GPC6: variants seen among roughly 807,000 people sequenced by gnomAD.
The protein encoded by GPC6 is glypican-6.
GPC6 carries 14 observed loss-of-function variants against 55.2 expected under a neutral mutation model. The ratio of observed to expected loss-of-function variants is 0.25; its 90% CI spans 0.17 to 0.40. The LOEUF (loss-of-function observed/expected upper bound fraction) is 0.40. Among genes scored for constraint, GPC6 ranks in the 10% least tolerant of loss-of-function variants. The pLI is 1.00. For missense variants in GPC6, 641 were observed against 708.5 expected (o/e 0.90, Z 1.08); for synonymous variants, 278 against 259.6 (o/e 1.07, Z -0.68).
At chr13:94,026,559 A>G (rs1206283934) in intron 3 of GPC6, among the ~76,000 whole-genome samples, 1 of 152,114 alleles carries the variant, frequency 6.6e-6, no homozygotes, top group Admixed American at 6.6e-5. Flanking sequence ...GAATATGGCA[A>G]CAATTTTTAC....
chr13:93,453,787 T>C (rs1360873433), intron 1 of GPC6, among the ~76,000 whole-genome samples: 2 of 151,908 alleles, frequency 1.3e-5, no homozygotes, highest in Non-Finnish European at 2.9e-5. Context: ...TCGCGGTGAT[T>C]GTTACAGCTC....
intron 1 of GPC6, among the ~76,000 whole-genome samples, chr13:93,530,093 G>A (rs1389559492): frequency 1.3e-5 from 2 of 152,154 alleles, no homozygotes; most frequent in East Asian, 3.9e-4. Flanking sequence ...TAATAGCAGT[G>A]GTATGAGCAG....
chr13:93,509,502 C>T (rs1382238183), intron 1 of GPC6, among the ~76,000 whole-genome samples: 2 of 152,276 alleles, frequency 1.3e-5, no homozygotes, highest in Non-Finnish European at 2.9e-5. Flanking sequence ...CTTGTGAAAT[C>T]TTAGAACAAT....
chr13:94,137,806 A>G (rs932750652), intron 4 of GPC6, among the ~76,000 whole-genome samples: 2 of 152,176 alleles, frequency 1.3e-5, no homozygotes, highest in East Asian at 1.9e-4. Flanking sequence ...CTAAAACAGT[A>G]GTGCTAGGGG....
At chr13:93,928,126 G>A (rs1877957348) in intron 3 of GPC6, among the ~76,000 whole-genome samples, 1 of 152,130 alleles carries the variant, frequency 6.6e-6, no homozygotes, top group Admixed American at 6.5e-5. Flanking sequence ...TCCAGTGGTG[G>A]CCAGTTCAAT....
At chr13:94,262,450 A>T (rs1891681752) in intron 4 of GPC6, among the ~76,000 whole-genome samples, 3 of 152,260 alleles carry the variant, frequency 2.0e-5, no homozygotes, top group Middle Eastern at 3.4e-3. Flanking sequence ...AGGTAAGTGA[A>T]TCACCTGAGG....
intron 4 of GPC6, among the ~76,000 whole-genome samples, chr13:94,265,745 GC>G (rs1891781798): frequency 6.6e-6 from 1 of 152,114 alleles, no homozygotes; most frequent in Non-Finnish European, 1.5e-5. Context: ...ATAGTATGGG[GC>G]CAAATTACAA....
At chr13:93,531,775 C>A (rs1037162579) in intron 1 of GPC6, among the ~76,000 whole-genome samples, 1 of 152,152 alleles carries the variant, frequency 6.6e-6, no homozygotes, top group African/African-American at 2.4e-5. Context: ...AAACATAATA[C>A]ATATACGTTG....
chr13:93,223,294 G>T (rs1011951696), upstream of GPC6, among the ~76,000 whole-genome samples: 1 of 152,158 alleles, frequency 6.6e-6, no homozygotes, highest in African/African-American at 2.4e-5. Flanking sequence ...AGTCTCTGAG[G>T]TTCCATTCAT....
intron 2 of GPC6, among the ~76,000 whole-genome samples, chr13:93,741,793 T>C (rs1884211863): frequency 6.6e-6 from 1 of 152,202 alleles, no homozygotes; most frequent in African/African-American, 2.4e-5. Flanking sequence ...GACCTACTTG[T>C]TGAACTTTCC....
chr13:93,672,311 T>C (rs1881394137), intron 2 of GPC6, among the ~76,000 whole-genome samples: 1 of 151,866 alleles, frequency 6.6e-6, no homozygotes, highest in African/African-American at 2.4e-5. Flanking sequence ...TGGATATAAC[T>C]ATTGAGTTTG....
chr13:94,043,434 A>G (rs1420845584), intron 4 of GPC6, among the ~76,000 whole-genome samples: 1 of 151,922 alleles, frequency 6.6e-6, no homozygotes, highest in Non-Finnish European at 1.5e-5. Context: ...AAATTTACAC[A>G]TACCTATCAT....
intron 3 of GPC6, among the ~76,000 whole-genome samples, chr13:93,921,471 G>A (rs1450259960): frequency 6.6e-6 from 1 of 152,112 alleles, no homozygotes; most frequent in African/African-American, 2.4e-5. Context: ...TTATTGCCAG[G>A]TGGAGGTGGC....
intron 1 of GPC6, among the ~76,000 whole-genome samples, chr13:93,387,245 C>T (rs1030531152): frequency 1.3e-5 from 2 of 151,658 alleles, no homozygotes; most frequent in Non-Finnish European, 2.9e-5. Flanking sequence ...GCCATGGTGG[C>T]TTGCTGCAGC....
At chr13:93,258,010 G>C (rs72635662) in intron 1 of GPC6, among the ~76,000 whole-genome samples, 1 of 152,272 alleles carries the variant, frequency 6.6e-6, no homozygotes, top group Non-Finnish European at 1.5e-5. Context: ...TTATTAGTTT[G>C]ATAGACATTT....
chr13:93,365,874 A>G (rs1344166944), intron 1 of GPC6, among the ~76,000 whole-genome samples: 1 of 152,082 alleles, frequency 6.6e-6, no homozygotes, highest in Non-Finnish European at 1.5e-5. Context: ...AGTTCCAGGG[A>G]AAAAAGAGGT....
At chr13:94,355,570 G>A (rs1878755964) in intron 6 of GPC6, among the ~76,000 whole-genome samples, 1 of 152,100 alleles carries the variant, frequency 6.6e-6, no homozygotes, top group African/African-American at 2.4e-5. Context: ...AAATGAATGA[G>A]GAAATGAAAT....
rs533818192 is a variant in GPC6, at chr13:93,820,447, T to C, written c.320-9707T>C. 3.9e-4 allele frequency among the ~76,000 whole-genome samples: 59 copies of C among 152,212 alleles called. 2 individuals carry two copies. In the South Asian group the frequency reaches 0.012, roughly 32 times the overall value. On this transcript the variant is annotated intron_variant, in intron 2 of 8. Transcript: ENST00000377047. Reference sequence around the variant, plus strand: ...AAATATTGTGAACATTTTTGAATTATGTGTTACAGTATTTTTAACAGCCAA... The same window carrying C: ...AAATATTGTGAACATTTTTGAATTACGTGTTACAGTATTTTTAACAGCCAA...
chr13:93,982,414 T>C (rs570273761), intron 3 of GPC6, among the ~76,000 whole-genome samples: 2 of 152,258 alleles, frequency 1.3e-5, no homozygotes, highest in East Asian at 3.9e-4. Context: ...CATTTGCTGT[T>C]TGGAAGAGAC....
Sources: allele counts gnomAD v4.1 joint callset (sites outside exome capture counted in the v4.1 genomes callset), GRCh38; gene constraint gnomAD v4.1.1; transcripts MANE v1.5; gene names NCBI Gene and HGNC (gene_info 2026-07-23, HGNC 2026-07-21).